The following TBC1D5 variants were observed in gnomAD, a reference collection of about 807,000 sequenced individuals.
TBC1D5 encodes the protein TBC1 domain family member 5.
TBC1D5 carries 75 observed loss-of-function variants against 100.3 expected under a neutral mutation model. That is an observed-to-expected ratio of 0.75 (90% CI 0.62 to 0.91). TBC1D5 has a LOEUF of 0.91. TBC1D5 is among the 40% of genes least tolerant of loss of function. The pLI, the probability that TBC1D5 is intolerant of heterozygous loss-of-function variation, is 0.00. For synonymous variants in TBC1D5, 323 were observed against 325.6 expected (o/e 0.99, Z 0.09); for missense variants, 910 against 942.4 (o/e 0.97, Z 0.45).
At chr3:17,348,389 T>G (rs1474979751) in intron 13 of TBC1D5, among the ~76,000 whole-genome samples, 3 of 152,234 alleles carry the variant, frequency 2.0e-5, no homozygotes, top group Non-Finnish European at 4.4e-5. Context: ...AAAATGCGAA[T>G]TGTCAGTGGG....
chr3:17,289,753 T>C (rs1253015035), intron 15 of TBC1D5, among the ~76,000 whole-genome samples: 3 of 152,154 alleles, frequency 2.0e-5, no homozygotes, highest in African/African-American at 7.2e-5. Context: ...TCAGCAAGCA[T>C]GATTTTTCCA....
exon 1 of TBC1D5, chr3:17,739,561 AG>A (rs1200552368): frequency 2.6e-5 from 4 of 152,246 alleles, no homozygotes; most frequent in African/African-American, 9.6e-5. Flanking sequence ...AAACTTTCAG[AG>A]GAAGTAGATA....
intron 19 of TBC1D5, among the ~76,000 whole-genome samples, chr3:17,178,494 G>A (rs966799334): frequency 5.3e-5 from 8 of 151,944 alleles, no homozygotes; most frequent in Admixed American, 2.6e-4. Flanking sequence ...ATATCTCTTC[G>A]ATATACTGAT....
intron 16 of TBC1D5, among the ~76,000 whole-genome samples, chr3:17,249,160 A>G (rs1177387130): frequency 6.6e-6 from 1 of 152,166 alleles, no homozygotes; most frequent in African/African-American, 2.4e-5. Context: ...TATCAGCAAT[A>G]AGGCTGTTTA....
intron 1 of TBC1D5, among the ~76,000 whole-genome samples, chr3:17,719,313 A>C (rs984985829): frequency 7.9e-5 from 12 of 152,208 alleles, no homozygotes; most frequent in Admixed American, 2.6e-4. Context: ...TGAAAAATGA[A>C]AGGTTTCTCA....
chr3:17,479,808 A>T (rs2095480129), intron 3 of TBC1D5, among the ~76,000 whole-genome samples: 1 of 152,172 alleles, frequency 6.6e-6, no homozygotes, highest in African/African-American at 2.4e-5. Flanking sequence ...TGCTGGGTGC[A>T]GTGGGGGAGG....
intron 1 of TBC1D5, among the ~76,000 whole-genome samples, chr3:17,673,907 C>A (rs1422724266): frequency 6.6e-6 from 1 of 152,084 alleles, no homozygotes; most frequent in African/African-American, 2.4e-5. Context: ...TGCAGATCTC[C>A]TGAATGAAGT....
chr3:17,362,474 G>T (rs571548190), intron 13 of TBC1D5, among the ~76,000 whole-genome samples: 3 of 151,830 alleles, frequency 2.0e-5, no homozygotes, highest in East Asian at 1.9e-4. Flanking sequence ...TGTAAGACAC[G>T]TAGACTGACT....
At chr3:17,528,205 G>A (rs768057272) in intron 2 of TBC1D5, among the ~76,000 whole-genome samples, 3 of 152,234 alleles carry the variant, frequency 2.0e-5, no homozygotes, top group Admixed American at 6.5e-5. Context: ...GACTACAGGC[G>A]TGAGCCACCG....
intron 16 of TBC1D5, among the ~76,000 whole-genome samples, chr3:17,256,157 C>T (rs533777402): frequency 6.9e-4 from 105 of 152,090 alleles, no homozygotes; most frequent in African/African-American, 2.4e-3. Flanking sequence ...TGTTTCAGTG[C>T]ACTTTGGAAT....
At chr3:17,697,238 T>C (rs2072269029) in intron 1 of TBC1D5, among the ~76,000 whole-genome samples, 1 of 152,032 alleles carries the variant, frequency 6.6e-6, no homozygotes, top group Non-Finnish European at 1.5e-5. Context: ...CAACATAGGG[T>C]TGGAAGTTCT....
chr3:17,195,835 T>A lies in TBC1D5; in HGVS notation c.1753-10627A>T, dbSNP rs367543341. 2.0e-4 allele frequency among the ~76,000 whole-genome samples: 31 copies of A among 152,034 alleles called. No individual in the cohort carries two copies. In the East Asian group the frequency reaches 5.0e-3, roughly 25 times the overall value. On this transcript the variant is annotated intron_variant, in intron 18 of 21. Coordinates refer to ENST00000253692, the Ensembl canonical transcript of TBC1D5. ...AAAAGGTGAGAAGGAAATAATTCTC[T>A]AAATTGCCTGGTTTATTCATATGCC...
chr3:17,544,964 G>A (rs1045819411), intron 2 of TBC1D5, among the ~76,000 whole-genome samples: 2 of 152,092 alleles, frequency 1.3e-5, no homozygotes, highest in Non-Finnish European at 2.9e-5. Context: ...ACTGTAGAAT[G>A]AGCATATTTA....
chr3:17,666,280 C>T (rs2067244859), intron 1 of TBC1D5, among the ~76,000 whole-genome samples: 1 of 152,132 alleles, frequency 6.6e-6, no homozygotes, highest in African/African-American at 2.4e-5. Context: ...TAGTAATTAG[C>T]ATTAGATACA....
At chr3:17,187,025 C>T (rs2069208108) in intron 18 of TBC1D5, among the ~76,000 whole-genome samples, 1 of 152,102 alleles carries the variant, frequency 6.6e-6, no homozygotes, top group Non-Finnish European at 1.5e-5. Context: ...TTTTTTTCTA[C>T]TCTTTTTCTC....
At chr3:17,543,877 C>CT (rs990614855) in intron 2 of TBC1D5, among the ~76,000 whole-genome samples, 49 of 144,662 alleles carry the variant, frequency 3.4e-4, no homozygotes, top group East Asian at 8.2e-4. Flanking sequence ...TTTTTTTTTT[C>CT]TTTTTTTTTG....
chr3:17,645,496 T>C (rs559647123), intron 1 of TBC1D5, among the ~76,000 whole-genome samples: 3 of 152,180 alleles, frequency 2.0e-5, no homozygotes, highest in South Asian at 4.1e-4. Context: ...AAATCCACTA[T>C]CCAGACATTA....
chr3:17,262,306 CAT>C (rs1158657818), intron 15 of TBC1D5, among the ~76,000 whole-genome samples: 4 of 152,108 alleles, frequency 2.6e-5, no homozygotes, highest in African/African-American at 9.6e-5. Context: ...TGTACTTAAA[CAT>C]ATTAAAACAG....
rs187028201 is a variant in TBC1D5, at chr3:17,483,155, G to A, written c.97+25319C>T. On this transcript the variant is annotated intron_variant, in intron 3 of 21. Transcript: ENST00000253692. ...CCCGAACTTCGACTATTGCCTAGAT[G>A]TAAGAACAGCACCCCTCAGGCTTTA... Among the ~76,000 whole-genome samples, 372 of 152,234 alleles carry A rather than the reference G, an allele frequency of 2.4e-3. 5 individuals are homozygous for A. The highest frequency in any genetic ancestry group is 0.022 in the Admixed American group (338 of 15,286).
Sources: gnomAD v4.1 joint callset for allele counts (sites outside exome capture counted in the v4.1 genomes callset) on GRCh38, gnomAD v4.1.1 for gene constraint, MANE v1.5 for transcripts, NCBI Gene and HGNC (gene_info 2026-07-23, HGNC 2026-07-21) for gene names.